The following SYT14 variants were observed in gnomAD, a reference collection of about 807,000 sequenced individuals.
The protein encoded by SYT14 is synaptotagmin-14.
Under a neutral mutation model 74.2 loss-of-function variants are expected in SYT14, and 32 were observed. The observed-to-expected ratio is 0.43, with a 90% CI of 0.33 to 0.58. SYT14 has a LOEUF of 0.58. Among genes scored for constraint, SYT14 ranks in the 20% least tolerant of loss-of-function variants. The pLI, the probability that SYT14 is intolerant of heterozygous loss-of-function variation, is 0.05. For missense variants in SYT14, 791 were observed against 981.8 expected, an observed-to-expected ratio of 0.81 and a Z score of 2.60; for synonymous variants, 298 against 337.7, an observed-to-expected ratio of 0.88 and a Z score of 1.29.
intron 8 of SYT14, among the ~76,000 whole-genome samples, chr1:210,156,390 A>G (rs2083267627): frequency 6.6e-6 from 1 of 151,978 alleles, no homozygotes; most frequent in African/African-American, 2.4e-5. Flanking sequence ...CTTTAAAATT[A>G]TAAGCCAGTA....
At chr1:210,001,097 T>C (rs2079892544) in intron 2 of SYT14, among the ~76,000 whole-genome samples, 1 of 152,320 alleles carries the variant, frequency 6.6e-6, no homozygotes, top group Admixed American at 6.5e-5. Context: ...AAAACCTCTT[T>C]AGTGCTGAAA....
chr1:210,006,918 A>G (rs970055901), intron 2 of SYT14, among the ~76,000 whole-genome samples: 1 of 151,822 alleles, frequency 6.6e-6, no homozygotes, highest in Non-Finnish European at 1.5e-5. Flanking sequence ...TTTTTCTTAG[A>G]AAAACATTTT....
intron 2 of SYT14, among the ~76,000 whole-genome samples, chr1:210,000,816 T>C (rs1461963079): frequency 6.6e-6 from 1 of 152,030 alleles, no homozygotes; most frequent in Admixed American, 6.6e-5. Flanking sequence ...GGTTTCACCA[T>C]CTTGGCCAGG....
chr1:210,156,945 C>T (rs923091862), intron 8 of SYT14: 7 of 307,686 alleles, frequency 2.3e-5, no homozygotes, highest in Admixed American at 5.5e-5. Context: ...CCATCCACTT[C>T]GGCCTCCCAA....
intron 5 of SYT14, among the ~76,000 whole-genome samples, chr1:210,022,495 C>T (rs945840829): frequency 2.0e-5 from 3 of 151,990 alleles, no homozygotes; most frequent in Non-Finnish European, 2.9e-5. Context: ...TTATGTACAC[C>T]CCTGGTACAT....
intron 2 of SYT14, among the ~76,000 whole-genome samples, chr1:210,003,239 C>T (rs759138899): frequency 7.2e-5 from 11 of 152,190 alleles, no homozygotes; most frequent in Non-Finnish European, 1.2e-4. Flanking sequence ...GTGCAAGTGT[C>T]TGTGTCTGGC....
intron 5 of SYT14, among the ~76,000 whole-genome samples, chr1:210,084,816 C>T (rs772280170): frequency 5.9e-5 from 9 of 152,222 alleles, no homozygotes; most frequent in Admixed American, 4.6e-4. Flanking sequence ...TTGAAGTCAT[C>T]TTCTAATTAA....
At chr1:210,137,931 A>T (rs2102659848) in intron 7 of SYT14, among the ~76,000 whole-genome samples, 1 of 152,272 alleles carries the variant, frequency 6.6e-6, no homozygotes, top group South Asian at 2.1e-4. Flanking sequence ...CACCCGCCTC[A>T]GCCTCCCAAA....
chr1:210,055,551 T>A (rs575492927), intron 5 of SYT14, among the ~76,000 whole-genome samples: 3 of 152,162 alleles, frequency 2.0e-5, no homozygotes, highest in Non-Finnish European at 2.9e-5. Context: ...ACACGGTGGC[T>A]CATGCCTATA....
At chr1:209,986,429 C>T (rs1187275744) in intron 2 of SYT14, among the ~76,000 whole-genome samples, 1 of 152,064 alleles carries the variant, frequency 6.6e-6, no homozygotes, top group East Asian at 2.0e-4. Context: ...CATGCTGAAA[C>T]CCTGCCTCTA....
At chr1:210,150,529 A>AGGGAG (rs2083137291) in intron 7 of SYT14, among the ~76,000 whole-genome samples, 1 of 152,126 alleles carries the variant, frequency 6.6e-6, no homozygotes, top group African/African-American at 2.4e-5. Context: ...GACCCTGAGG[A>AGGGAG]GGGAGCCTTG....
exon 10 of SYT14, chr1:210,168,238 T>G (rs2083476695): frequency 6.8e-6 from 1 of 146,276 alleles, no homozygotes; most frequent in African/African-American, 2.8e-5. Context: ...AATTTCTAAT[T>G]AATTATAAGA....
intron 9 of SYT14, among the ~76,000 whole-genome samples, chr1:210,160,391 G>A (rs1273945969): frequency 6.6e-6 from 1 of 150,688 alleles, no homozygotes; most frequent in Non-Finnish European, 1.5e-5. Context: ...AAGCTAAATG[G>A]GAATGGGAAC....
At chr1:210,144,624 C>T (rs992740533) in intron 7 of SYT14, among the ~76,000 whole-genome samples, 1 of 151,770 alleles carries the variant, frequency 6.6e-6, no homozygotes, top group Non-Finnish European at 1.5e-5. Context: ...TGTTGGAAAA[C>T]CAATAGTCTA....
At chr1:209,939,503 C>T (rs1210305628) in intron 1 of SYT14, among the ~76,000 whole-genome samples, 1 of 152,206 alleles carries the variant, frequency 6.6e-6, no homozygotes, top group Non-Finnish European at 1.5e-5. Flanking sequence ...ATGCAAGACA[C>T]ATTCAGACAG....
intron 5 of SYT14, among the ~76,000 whole-genome samples, chr1:210,038,397 G>C (rs564105842): frequency 1.3e-5 from 2 of 152,140 alleles, no homozygotes; most frequent in South Asian, 2.1e-4. Context: ...CTTTTAAATG[G>C]AGTATTTAAG....
intron 5 of SYT14, among the ~76,000 whole-genome samples, chr1:210,069,580 TTTTA>T (rs1220274588): frequency 3.9e-5 from 6 of 151,990 alleles, no homozygotes; most frequent in Non-Finnish European, 5.9e-5. Context: ...TCAAAAACTA[TTTTA>T]TTTGTTATAA....
intron 5 of SYT14, among the ~76,000 whole-genome samples, chr1:210,091,092 T>C (rs1357059201): frequency 2.0e-5 from 3 of 152,204 alleles, no homozygotes; most frequent in Non-Finnish European, 4.4e-5. Flanking sequence ...AGTCTACCCA[T>C]TGAGCCCACT....
chr1:209,998,740 C>G (rs2079841899), intron 2 of SYT14, among the ~76,000 whole-genome samples: 1 of 151,994 alleles, frequency 6.6e-6, no homozygotes. Flanking sequence ...TCTGGATATT[C>G]ATATGCAGAA....
Sources: allele counts gnomAD v4.1 joint callset (sites outside exome capture counted in the v4.1 genomes callset), GRCh38; gene constraint gnomAD v4.1.1; transcripts MANE v1.5; gene names NCBI Gene and HGNC (gene_info 2026-07-23, HGNC 2026-07-21).